The following CTDSPL2 variants were observed in gnomAD, a reference collection of about 807,000 sequenced individuals.
CTDSPL2 encodes the protein CTD small phosphatase-like protein 2.
CTDSPL2 carries 5 observed loss-of-function variants against 60.0 expected under a neutral mutation model. The ratio of observed to expected loss-of-function variants is 0.08; its 90% confidence interval spans 0.04 to 0.18. CTDSPL2 has a LOEUF of 0.18. Ranked by LOEUF, CTDSPL2 falls within the 10% of genes least tolerant of loss-of-function variation. CTDSPL2 has a pLI of 1.00. For synonymous variants in CTDSPL2, 186 were observed against 189.3 expected (o/e 0.98, Z 0.14); for missense variants, 370 against 548.8 (o/e 0.67, Z 3.26).
intron 1 of CTDSPL2, among the ~76,000 whole-genome samples, chr15:44,428,341 G>T (rs1000298603): frequency 3.9e-5 from 6 of 152,212 alleles, no homozygotes; most frequent in African/African-American, 1.4e-4. Flanking sequence ...AGTCCATGTG[G>T]AAGGCGTCTG....
At chr15:44,520,606 T>C (rs995125435) in intron 11 of CTDSPL2, 1 of 152,256 alleles carries the variant, frequency 6.6e-6, no homozygotes, top group African/African-American at 2.4e-5. Context: ...TACTAAGTTA[T>C]ATTTAGGTCC....
chr15:44,458,090 T>C (rs73417558), intron 1 of CTDSPL2, among the ~76,000 whole-genome samples: 81 of 152,360 alleles, frequency 5.3e-4, no homozygotes, highest in African/African-American at 1.9e-3. Flanking sequence ...ATAGCTTTAT[T>C]GTCCTTTGCA....
intron 1 of CTDSPL2, among the ~76,000 whole-genome samples, chr15:44,441,183 C>T (rs2080077501): frequency 6.6e-6 from 1 of 151,996 alleles, no homozygotes; most frequent in South Asian, 2.1e-4. Flanking sequence ...GGTATAAGAC[C>T]CTGGGTCCAA....
intron 1 of CTDSPL2, among the ~76,000 whole-genome samples, chr15:44,449,546 G>C (rs1015403606): frequency 1.3e-5 from 2 of 152,090 alleles, no homozygotes; most frequent in Non-Finnish European, 2.9e-5. Flanking sequence ...GGCCAGGCTG[G>C]TCTTGAAATC....
chr15:44,486,193 A>G (rs1006120404), intron 3 of CTDSPL2, among the ~76,000 whole-genome samples: 1 of 152,244 alleles, frequency 6.6e-6, no homozygotes, highest in Non-Finnish European at 1.5e-5. Flanking sequence ...GAATGTAAAC[A>G]AAAATAAAAT....
At chr15:44,484,480 A>C (rs560840152) in intron 3 of CTDSPL2, 118 bp downstream of exon 3, 5 of 973,572 alleles carry the variant, frequency 5.1e-6, no homozygotes, top group Non-Finnish European at 6.1e-6. Context: ...CATGCCTGTA[A>C]TCCTCACATT....
intron 7 of CTDSPL2, among the ~76,000 whole-genome samples, chr15:44,497,705 A>G (rs1595760641): frequency 6.6e-6 from 1 of 152,026 alleles, no homozygotes; most frequent in South Asian, 2.1e-4. Flanking sequence ...AAAAATTTGT[A>G]TTTTAGGGAC....
intron 10 of CTDSPL2, among the ~76,000 whole-genome samples, chr15:44,515,357 C>T (rs1217869955): frequency 6.6e-6 from 1 of 152,140 alleles, no homozygotes; most frequent in Non-Finnish European, 1.5e-5. Context: ...CCTGACTGGA[C>T]TCAGTTCCTT....
rs540192068 is a variant in CTDSPL2, at chr15:44,448,949, T to A, written c.-24-10042T>A. 4 of 412,226 alleles carry A rather than the reference T, an allele frequency of 9.7e-6. No homozygotes were observed. In the East Asian group the frequency reaches 3.6e-4, roughly 38 times the overall value. 25.5% of individuals were successfully genotyped at this position (412,226 alleles called of 1,614,324 possible). A position where few individuals can be genotyped will look rare whatever the true frequency, so the allele number is the denominator to read the frequency against. ...AAAGTAACAGTGCCCAATCCATGAT[T>A]TTTTTCATCTTTATCCTCAAGAATG... On this transcript the variant is annotated intron_variant, in intron 1 of 12. Transcript: ENST00000260327.
In CTDSPL2 at chr15:44,519,311, A is replaced by G. The variant is rs1246856517; in HGVS notation, c.1239+16A>G. On this transcript the variant is annotated intron_variant, in intron 11 of 12. Coordinates refer to ENST00000260327, the MANE Select transcript of CTDSPL2 (RefSeq NM_016396.3). ...TGCATATCAGGTAGGAAGAAAGTTGATAAACAAACTCAGATTGGAAAAAAT... is the reference window on the plus strand; with the variant it reads ...TGCATATCAGGTAGGAAGAAAGTTGGTAAACAAACTCAGATTGGAAAAAAT... 2 of 1,542,626 alleles carry G rather than the reference A, an allele frequency of 1.3e-6. No individual in the cohort carries two copies. Among genetic ancestry groups the G allele is most frequent in the Non-Finnish European group, 1.7e-6 (2 of 1,155,106 alleles).
At chr15:44,481,926 A>C (rs2140777015) in intron 2 of CTDSPL2, among the ~76,000 whole-genome samples, 1 of 152,294 alleles carries the variant, frequency 6.6e-6, no homozygotes, top group South Asian at 2.1e-4. Context: ...CTCTCTCCAG[A>C]GAGGTGCACC....
Position 44,525,206 on chromosome 15 carries a change from C to T in CTDSPL2, c.*1032C>T, listed in dbSNP as rs1185582072. The T allele has an allele frequency of 2.6e-6, 1 of 389,942 alleles. No homozygotes were observed. Among genetic ancestry groups the T allele is most frequent in the African/African-American group, 2.1e-5 (1 of 48,460 alleles). The allele number at this position is 389,942 out of a possible 1,614,324, so 24.2% of individuals were successfully genotyped here. ...ATGGGCTGGTAGTACCTCTGTTATG[C>T]TCTCAGTTACAATCAATTTAAAACT... On this transcript the variant is annotated 3_prime_UTR_variant, in exon 13 of 13. Transcript: ENST00000260327.
chr15:44,430,123 T>C (rs1258088298), intron 1 of CTDSPL2, among the ~76,000 whole-genome samples: 1 of 152,242 alleles, frequency 6.6e-6, no homozygotes, highest in Non-Finnish European at 1.5e-5. Flanking sequence ...TGATTTCTGC[T>C]TAAGTGGTTT....
intron 10 of CTDSPL2, 111 bp downstream of exon 10, chr15:44,514,955 T>C (rs573912914): frequency 1.5e-5 from 9 of 611,250 alleles, no homozygotes; most frequent in South Asian, 2.5e-5. Flanking sequence ...TGTTGAATGG[T>C]GAATATAAAT....
chr15:44,428,489 A>G (rs1490820464), intron 1 of CTDSPL2, among the ~76,000 whole-genome samples: 1 of 152,224 alleles, frequency 6.6e-6, no homozygotes, highest in Non-Finnish European at 1.5e-5. Flanking sequence ...GCATAAGTAA[A>G]TCTTGTTTAT....
intron 10 of CTDSPL2, among the ~76,000 whole-genome samples, chr15:44,515,542 C>CA (rs2081634729): frequency 1.3e-5 from 2 of 152,088 alleles, no homozygotes; most frequent in African/African-American, 2.4e-5. Context: ...AATTTTTGAT[C>CA]AAAAGCTGAG....
chr15:44,523,382 T>A (rs2555349), intron 12 of CTDSPL2, among the ~76,000 whole-genome samples: 136,814 of 151,758 alleles, frequency 0.9, 62,403 homozygotes, highest in Middle Eastern at 0.98. Flanking sequence ...TAGTGAGACC[T>A]CATCTCTACA....
intron 8 of CTDSPL2, among the ~76,000 whole-genome samples, chr15:44,510,370 A>G (rs2081545935): frequency 6.6e-6 from 1 of 152,210 alleles, no homozygotes; most frequent in Non-Finnish European, 1.5e-5. Flanking sequence ...ATGTTCATAA[A>G]TCTGTATCTT....
chr15:44,521,405 T>C lies in CTDSPL2; in HGVS notation c.1334T>C (p.Leu445Pro). ...LIPFLEKLVE[L>P]NEDVRPHIRD... ...CCATTCCTGGAGAAGCTTGTAGAAC[T>C]GGTAAGTGTAGCTTATCTTTTTCTG... Residue 445 changes from leucine (L) to proline (P), a missense_variant and splice_region_variant, in exon 12 of 13, where the codon CTG becomes CCG. Leu to Pro is a moderately conservative substitution (Grantham distance 98). This residue lies in a region of CTDSPL2 where 46 missense variants were observed against 126.0 expected (regional missense o/e 0.37). Transcript: ENST00000260327. 1 of 1,513,186 alleles carries C rather than the reference T, an allele frequency of 6.6e-7. No homozygotes were observed. Among genetic ancestry groups the C allele is most frequent in the Non-Finnish European group, 9.1e-7 (1 of 1,099,416 alleles). The allele number at this position is 1,513,186 out of a possible 1,614,324, so 93.7% of individuals were successfully genotyped here. A position where few individuals can be genotyped will look rare whatever the true frequency, so the allele number is the denominator to read the frequency against.
Sources: allele counts gnomAD v4.1 joint callset (sites outside exome capture counted in the v4.1 genomes callset), GRCh38; gene constraint gnomAD v4.1.1; regional missense constraint gnomAD v4.1.1; transcripts MANE v1.5; gene names NCBI Gene and HGNC (gene_info 2026-07-23, HGNC 2026-07-21).